SIGLEC1: variants seen among roughly 807,000 people sequenced by gnomAD.
The protein encoded by SIGLEC1 is sialic acid binding Ig like lectin 1, also known as sialoadhesin.
A neutral mutation model predicts 148.0 loss-of-function variants in SIGLEC1; 132 were observed. The ratio of observed to expected loss-of-function variants is 0.89; its 90% CI spans 0.77 to 1.03. The LOEUF is 1.03. Ranked by LOEUF, SIGLEC1 falls within the 50% of genes least tolerant of loss-of-function variation. The pLI is 0.00. For missense variants in SIGLEC1, 2,253 were observed against 2,271.4 expected (o/e 0.99, Z 0.16); for synonymous variants, 945 against 969.0 (o/e 0.98, Z 0.46).
chr20:3,690,540 A>G (rs1024862720), intron 18 of SIGLEC1, among the ~76,000 whole-genome samples: 12 of 152,392 alleles, frequency 7.9e-5, no homozygotes, highest in Non-Finnish European at 1.6e-4. Context: ...ATGTGGCCCA[A>G]CTGGCAGCCA....
At position 3,701,554 on chromosome 20, in the gene SIGLEC1, G is replaced by A. The variant is rs1302242122; in HGVS notation, c.1316C>T (p.Pro439Leu). ...ATGTGACAGCACCAGTGTGGCCAGG[G>A]GCTCACTGACCACAGAGCAGTGAAG... ...GILHCSVVSE[P>L]LATLVLSHGG... is the part of the protein sequence containing the mutation. The change falls in exon 7 of 22, where the codon CCC becomes CTC. Residue 439 changes from proline (P) to leucine (L), a missense_variant. Pro to Leu is a moderately conservative substitution (Grantham distance 98, BLOSUM62 -3). Transcript: ENST00000344754. 2 of 1,613,026 alleles carry A rather than the reference G, an allele frequency of 1.2e-6. No homozygotes were observed. Among genetic ancestry groups the A allele is most frequent in the African/African-American group, 2.7e-5 (2 of 74,938 alleles).
rs1021519109 is a variant in SIGLEC1 at position 3,687,810 on chromosome 20, T to C, written c.*750A>G. The C allele has an allele frequency of 2.6e-5, 4 of 152,310 alleles. No individual in the cohort carries two copies. The highest frequency in any genetic ancestry group is 9.6e-5 in the African/African-American group (4 of 41,464). 9.4% of individuals were successfully genotyped at this position (152,310 alleles called of 1,614,324 possible). On this transcript the variant is annotated 3_prime_UTR_variant, in exon 22 of 22. Coordinates refer to ENST00000344754, the MANE Select transcript of SIGLEC1 (RefSeq NM_023068.4). ...TGTCCTCTGGACTCAAAATAAAAAC[T>C]ACATTTCCCAGTCTCCCTTGTAGCT...
chr20:3,692,714 C>A lies in SIGLEC1; in HGVS notation c.3837G>T (p.Val1279=). 6.2e-7 allele frequency: 1 copy of A among 1,612,752 alleles called. No individual in the cohort carries two copies. The highest frequency in any genetic ancestry group is 1.1e-5 in the South Asian group (1 of 91,084). The change falls in exon 16 of 22, where the codon GTG becomes GTT. Residue 1279 remains valine, a synonymous_variant. Transcript: ENST00000344754. ...CGTGGGCAGCAGGGTCCGCACAGGT[C>A]ACTGTGATGGGGGCACCTTCAGGCA... The part of the protein sequence containing the change: ...AAVPEGAPIT[V]TCADPAAHAP...
At position 3,691,820 on chromosome 20, in the gene SIGLEC1, G is replaced by T. The variant is rs897254661; in HGVS notation, c.4330+83C>A. ...AGAGCTTTCTCAGACCAGACAGCCCGCTCTAGTGGGAGCTCCAGCCCCTCT... is the reference window on the plus strand; with the variant it reads ...AGAGCTTTCTCAGACCAGACAGCCCTCTCTAGTGGGAGCTCCAGCCCCTCT... On this transcript the variant is annotated intron_variant, in intron 17 of 21. Transcript: ENST00000344754. 11 of 1,464,820 alleles carry T rather than the reference G, an allele frequency of 7.5e-6. No individual in the cohort carries two copies. In the Admixed American group the frequency reaches 1.1e-4, roughly 14 times the overall value. 90.7% of individuals were successfully genotyped at this position (1,464,820 alleles called of 1,614,324 possible).
At position 3,698,068 on chromosome 20, in the gene SIGLEC1, G is replaced by A. The variant is rs558364870; in HGVS notation, c.1852C>T (p.Arg618Trp). ...ACACGGCACAAAAGGAGGCCTCGCC[G>A]TCCAGCCCCGGCCCCAGCGGCATCA... ...DLDAAGAGAGRRGLLLCRVDS... is the reference protein window; with the variant it reads ...DLDAAGAGAGWRGLLLCRVDS... The change falls in exon 9 of 22, where the codon CGG (arginine) becomes TGG (tryptophan). Residue 618 changes from arginine (R) to tryptophan (W), a missense_variant. By Grantham distance (101) the Arg-to-Trp change is moderately radical (BLOSUM62 -3). Transcript: ENST00000344754. The A allele has an allele frequency of 1.9e-5, 30 of 1,607,106 alleles. No individual in the cohort carries two copies. Among genetic ancestry groups the A allele is most frequent in the African/African-American group, 2.7e-5 (2 of 74,740 alleles).
In SIGLEC1 at chr20:3,705,761, A is replaced by G. The variant is rs2087887467; in HGVS notation, c.689T>C (p.Ile230Thr). The change falls in exon 4 of 22, where the codon ATT (isoleucine) becomes ACT (threonine). Residue 230 changes from isoleucine to threonine, a missense_variant. Ile to Thr is a moderately conservative substitution (Grantham distance 89, BLOSUM62 -1). Transcript: ENST00000344754. ...CAACTCACACTTCACTTGGAGGTGAATCTCGCTCTGAGCCCTGTGATTGGC... is the reference window on the plus strand; with the variant it reads ...CAACTCACACTTCACTTGGAGGTGAGTCTCGCTCTGAGCCCTGTGATTGGC... ...SVANHRAQSEIHLQVKYAPKG... is the reference protein window; with the variant it reads ...SVANHRAQSETHLQVKYAPKG... 6.2e-7 allele frequency: 1 copy of G among 1,609,536 alleles called. No individual in the cohort carries two copies. Among genetic ancestry groups the G allele is most frequent in the South Asian group, 1.1e-5 (1 of 90,826 alleles).
At position 3,694,783 on chromosome 20, in the gene SIGLEC1, A is replaced by G. The variant is rs1056910914; in HGVS notation, c.2824T>C (p.Ser942Pro). 2 of 1,613,518 alleles carry G rather than the reference A, an allele frequency of 1.2e-6. No individual in the cohort carries two copies. Among genetic ancestry groups the G allele is most frequent in the Non-Finnish European group, 1.7e-6 (2 of 1,180,036 alleles). The change falls in exon 12 of 22, where the codon TCG becomes CCG. Residue 942 changes from serine (S) to proline (P), a missense_variant. Ser to Pro is a moderately conservative substitution (Grantham distance 74, BLOSUM62 -1). Coordinates refer to ENST00000344754, the MANE Select transcript of SIGLEC1 (RefSeq NM_023068.4). ...ATGGCTGCAAAGCGGAGCGTGGCCGAGGTCGACTCCTGGAGGGGCTGGCCA... is the reference window on the plus strand; with the variant it reads ...ATGGCTGCAAAGCGGAGCGTGGCCGGGGTCGACTCCTGGAGGGGCTGGCCA... ...RDGQPLQEST[S>P]ATLRFAAITL...
In SIGLEC1 at chr20:3,707,257, T is replaced by TCC; in HGVS notation, c.-109-22_-109-21dup. The TCC allele has an allele frequency of 1.3e-6, 1 of 743,010 alleles. No individual in the cohort carries two copies. 46.0% of individuals were successfully genotyped at this position (743,010 alleles called of 1,614,324 possible). ...CACCTGCTAGAAGTCCGAGCCTGTGTCCCCACCTCCTCTGCTGGCCAACCC... is the reference window on the plus strand; with the variant it reads ...CACCTGCTAGAAGTCCGAGCCTGTGTCCCCCCACCTCCTCTGCTGGCCAACCC... On this transcript the variant is annotated intron_variant, in intron 1 of 21. Transcript: ENST00000344754.
At chr20:3,703,677 T>G in intron 5 of SIGLEC1, 148 bp downstream of exon 5, 1 of 1,176,386 alleles carries the variant, frequency 8.5e-7, no homozygotes, top group Non-Finnish European at 1.2e-6. Flanking sequence ...TGTCTCATGG[T>G]AAGGCAGGGC....
Position 3,697,271 on chromosome 20 carries a change from T to C in SIGLEC1, c.2194A>G (p.Ser732Gly), listed in dbSNP as rs765150573. 2 of 1,613,936 alleles carry C rather than the reference T, an allele frequency of 1.2e-6. No homozygotes were observed. The highest frequency in any genetic ancestry group is 2.2e-5 in the South Asian group (2 of 91,088). ...GTEANLTCNV[S>G]REAAGSPANF... is the part of the protein sequence containing the mutation. ...GCAGGGCTGCCAGCAGCTTCCCGGCTCACGTTGCAAGTCAAGTTGGCTTCT... is the reference window on the plus strand; with the variant it reads ...GCAGGGCTGCCAGCAGCTTCCCGGCCCACGTTGCAAGTCAAGTTGGCTTCT... Residue 732 changes from serine to glycine, a missense_variant, in exon 10 of 22, where the codon AGC becomes GGC. By Grantham distance (56) the Ser-to-Gly change is moderately conservative. Coordinates refer to ENST00000344754, the MANE Select transcript of SIGLEC1 (RefSeq NM_023068.4).
chr20:3,690,025 A>T lies in SIGLEC1; in HGVS notation c.4831T>A (p.Tyr1611Asn). 1 of 1,613,248 alleles carries T rather than the reference A, an allele frequency of 6.2e-7. No individual in the cohort carries two copies. Reference protein sequence around the residue: ...EALRPSDQGEYICSASNVLGS... With the variant: ...EALRPSDQGENICSASNVLGS... The stretch of plus-strand genomic sequence containing the variant: ...AGGACATTTGAGGCAGAACAGATGT[A>T]TTCCCCTTGGTCGCTGGGCCTCAGC... Residue 1611 changes from tyrosine to asparagine, a missense_variant, in exon 19 of 22, where the codon TAC becomes AAC. Transcript: ENST00000344754.
chr20:3,706,784 C>T (rs1454606934), intron 2 of SIGLEC1, 78 bp from the exon 3 acceptor site: 21 of 1,441,084 alleles, frequency 1.5e-5, no homozygotes, highest in Non-Finnish European at 1.7e-5. Flanking sequence ...CGACCTGCCC[C>T]AGAGAAGGTG....
intron 7 of SIGLEC1, among the ~76,000 whole-genome samples, chr20:3,700,863 G>C (rs963157221): frequency 6.6e-6 from 1 of 151,882 alleles, no homozygotes; most frequent in Admixed American, 6.6e-5. Flanking sequence ...ACCATGCCCA[G>C]CTAATTTTTG....
At chr20:3,699,633 A>G (rs12624922) in intron 7 of SIGLEC1, among the ~76,000 whole-genome samples, 174 bp from the exon 8 acceptor site, 9,850 of 152,208 alleles carry the variant, frequency 0.065, 365 homozygotes, top group East Asian at 0.11. Context: ...TTGGTAGTAG[A>G]TGGCTGCAGC....
Position 3,691,402 on chromosome 20 carries a change from T to C in SIGLEC1, c.4529A>G (p.His1510Arg). 6.2e-7 allele frequency: 1 copy of C among 1,613,330 alleles called. No homozygotes were observed. The highest frequency in any genetic ancestry group is 8.5e-7 in the Non-Finnish European group (1 of 1,180,024). ...CCCAGTGGGGAGCTCAGCCAGGCAGTGGTACATCCCAGCTTGAGCACGAGC... is the reference window on the plus strand; with the variant it reads ...CCCAGTGGGGAGCTCAGCCAGGCAGCGGTACATCCCAGCTTGAGCACGAGC... ...HVARAQAGMYHCLAELPTGAA... is the reference protein window; with the variant it reads ...HVARAQAGMYRCLAELPTGAA... The change falls in exon 18 of 22, where the codon CAC becomes CGC. Residue 1510 changes from histidine (H) to arginine (R), a missense_variant. His to Arg is a conservative substitution (Grantham distance 29, BLOSUM62 0). Transcript: ENST00000344754.
At chr20:3,692,297 G>A in intron 16 of SIGLEC1, 95 bp from the exon 17 acceptor site, 1 of 1,314,962 alleles carries the variant, frequency 7.6e-7, no homozygotes, top group Non-Finnish European at 1.0e-6. Flanking sequence ...GAGGCCTCTG[G>A]ACCAATGGCC....
rs2087934651 is a variant in SIGLEC1 at position 3,712,471 on chromosome 20, T to A, written c.-111A>T. 6.7e-6 allele frequency among the ~76,000 whole-genome samples: 1 copy of A among 148,354 alleles called. No individual in the cohort carries two copies. Among genetic ancestry groups the A allele is most frequent in the South Asian group, 2.3e-4 (1 of 4,342 alleles). On this transcript the variant is annotated splice_region_variant and 5_prime_UTR_variant, in exon 1 of 22. Coordinates refer to ENST00000344754, the MANE Select transcript of SIGLEC1 (RefSeq NM_023068.4). ...CCCAGGGACCAGGGACAGGGGTACC[T>A]GCTCCACAGAAGGAAGTGGCTGCGG...
intron 1 of SIGLEC1, among the ~76,000 whole-genome samples, chr20:3,711,457 C>T (rs1033047188): frequency 2.0e-5 from 3 of 152,140 alleles, no homozygotes; most frequent in Non-Finnish European, 4.4e-5. Flanking sequence ...AGGGCAGAGG[C>T]AGTTTCCCTA....
chr20:3,688,349 T>A lies in SIGLEC1; in HGVS notation c.*211A>T. 1 of 597,332 alleles carries A rather than the reference T, an allele frequency of 1.7e-6. No individual in the cohort carries two copies. Among genetic ancestry groups the A allele is most frequent in the Non-Finnish European group, 3.0e-6 (1 of 328,064 alleles). 37.0% of individuals were successfully genotyped at this position (597,332 alleles called of 1,614,324 possible). A position where few individuals can be genotyped will look rare whatever the true frequency, so the allele number is the denominator to read the frequency against. On this transcript the variant is annotated 3_prime_UTR_variant, in exon 22 of 22. Coordinates refer to ENST00000344754, the MANE Select transcript of SIGLEC1 (RefSeq NM_023068.4). The stretch of plus-strand genomic sequence containing the variant: ...GAGATCAGCTCAGTGCTCTTCAGTG[T>A]CCTCCAGGGTCAACACCCTCCTGGG...
Sources: allele counts gnomAD v4.1 joint callset (sites outside exome capture counted in the v4.1 genomes callset), GRCh38; gene constraint gnomAD v4.1.1; transcripts MANE v1.5; gene names NCBI Gene and HGNC (gene_info 2026-07-23, HGNC 2026-07-21).